CDK14: variants seen among roughly 807,000 people sequenced by gnomAD.
CDK14 encodes cyclin-dependent kinase 14.
Under a neutral mutation model 60.7 loss-of-function variants are expected in CDK14, and 34 were observed. That is an observed-to-expected ratio of 0.56 (90% CI 0.43 to 0.75). The LOEUF (loss-of-function observed/expected upper bound fraction) is 0.75, where lower values mean the gene tolerates loss of function less well. Among genes scored for constraint, CDK14 ranks in the 30% least tolerant of loss-of-function variants. CDK14 has a pLI of 0.00. For synonymous variants in CDK14, 197 were observed against 203.7 expected (o/e 0.97, Z 0.28); for missense variants, 482 against 564.1 (o/e 0.85, Z 1.47).
intron 6 of CDK14, among the ~76,000 whole-genome samples, chr7:90,883,405 T>C (rs1426046545): frequency 7.2e-5 from 11 of 152,040 alleles, no homozygotes; most frequent in Admixed American, 7.2e-4. Flanking sequence ...CAGGAAGAAG[T>C]CTAATCCCTG....
chr7:90,829,137 A>G (rs927273660), intron 5 of CDK14, among the ~76,000 whole-genome samples: 1 of 152,142 alleles, frequency 6.6e-6, no homozygotes, highest in Non-Finnish European at 1.5e-5. Context: ...CATGAGGGAA[A>G]CTACCCCCAT....
intron 10 of CDK14, among the ~76,000 whole-genome samples, chr7:91,009,905 T>C (rs1302751152): frequency 6.6e-6 from 1 of 152,126 alleles, no homozygotes; most frequent in Non-Finnish European, 1.5e-5. Context: ...GGTTTTATAG[T>C]TTTAGGTTTT....
chr7:91,195,987 T>G (rs1802526639), intron 14 of CDK14, among the ~76,000 whole-genome samples: 1 of 152,234 alleles, frequency 6.6e-6, no homozygotes, highest in South Asian at 2.1e-4. Flanking sequence ...AGTCCTTGCC[T>G]GTGCAAGAAT....
intron 5 of CDK14, among the ~76,000 whole-genome samples, chr7:90,812,451 A>G (rs1414246984): frequency 6.6e-6 from 1 of 151,796 alleles, no homozygotes; most frequent in Non-Finnish European, 1.5e-5. Context: ...GGCATATCAC[A>G]CACTGGGGCC....
At chr7:91,139,785 CCTTTCTTTCTTT>C (rs71292993) in intron 14 of CDK14, among the ~76,000 whole-genome samples, 9,571 of 146,334 alleles carry the variant, frequency 0.065, 1,004 homozygotes, top group African/African-American at 0.22. Flanking sequence ...TTTTTTCTTT[CCTTTCTTTCTTT>C]CTTTCTTTCT....
intron 10 of CDK14, among the ~76,000 whole-genome samples, chr7:90,992,760 AGGAACATTCTCC>A (rs1795576604): frequency 1.3e-5 from 2 of 152,210 alleles, no homozygotes; most frequent in Admixed American, 1.3e-4. Context: ...TGTTAAATTA[AGGAACATTCTCC>A]CATGTATTGA....
intron 14 of CDK14, among the ~76,000 whole-genome samples, chr7:91,137,691 GGGGT>G (rs764709591): frequency 1.6e-5 from 1 of 61,956 alleles, no homozygotes; most frequent in Non-Finnish European, 4.6e-5. Flanking sequence ...AGACTTGTGG[GGGGT>G]GTGTGTGTGT....
chr7:90,596,824 G>T, intron 1 of CDK14, 106 bp downstream of exon 1: 1 of 951,564 alleles, frequency 1.1e-6, no homozygotes, highest in Non-Finnish European at 1.6e-6. Flanking sequence ...GGCTGGCGTG[G>T]GGTGCGTTGT....
intron 4 of CDK14, among the ~76,000 whole-genome samples, chr7:90,786,216 G>T (rs1171319453): frequency 6.6e-6 from 1 of 152,152 alleles, no homozygotes; most frequent in Non-Finnish European, 1.5e-5. Context: ...GGCAAATTTG[G>T]CAGTAACTGC....
At chr7:90,800,325 C>A (rs774496274) in intron 5 of CDK14, among the ~76,000 whole-genome samples, 1 of 152,082 alleles carries the variant, frequency 6.6e-6, no homozygotes, top group South Asian at 2.1e-4. Flanking sequence ...AATTAGTTAA[C>A]CTGCTTGTAA....
intron 10 of CDK14, among the ~76,000 whole-genome samples, chr7:91,035,876 G>A (rs1458384556): frequency 4.2e-5 from 5 of 120,182 alleles, no homozygotes; most frequent in African/African-American, 1.6e-4. Flanking sequence ...TCGCTCTGTC[G>A]CCCAGGCCGG....
At chr7:90,680,999 A>T (rs1265700923) in intron 2 of CDK14, among the ~76,000 whole-genome samples, 2 of 152,232 alleles carry the variant, frequency 1.3e-5, no homozygotes, top group Admixed American at 6.5e-5. Context: ...AAAGAGACAG[A>T]TAGTACATTG....
intron 2 of CDK14, among the ~76,000 whole-genome samples, chr7:90,637,436 T>G (rs1800180591): frequency 6.6e-6 from 1 of 152,098 alleles, no homozygotes; most frequent in Non-Finnish European, 1.5e-5. Flanking sequence ...TCCATGTAGT[T>G]GAGCGGTTTT....
At chr7:91,122,595 A>G (rs1046060123) in intron 14 of CDK14, among the ~76,000 whole-genome samples, 1 of 152,142 alleles carries the variant, frequency 6.6e-6, no homozygotes, top group Non-Finnish European at 1.5e-5. Context: ...ATGCTGTGAC[A>G]TTATGGCGGC....
chr7:90,802,113 C>A (rs1230684454), intron 5 of CDK14, among the ~76,000 whole-genome samples: 2 of 152,110 alleles, frequency 1.3e-5, no homozygotes, highest in East Asian at 3.9e-4. Flanking sequence ...CATTTGTTTC[C>A]ATTTGTGTTT....
chr7:90,747,758 A>T lies in CDK14; in HGVS notation c.447A>T (p.Val149=). The change falls in exon 4 of 15, where the codon GTA becomes GTT. Residue 149 remains valine, a synonymous_variant. Coordinates refer to ENST00000380050, the MANE Select transcript of CDK14 (RefSeq NM_001287135.2). The part of the protein sequence containing the change: ...EKLGEGSYAT[V]YKGKSKVNGK... Reference sequence around the variant, plus strand: ...TAGGGGAAGGATCTTATGCTACAGTATACAAAGGGAAAAGCAAGTAAGTTC... The same window carrying T: ...TAGGGGAAGGATCTTATGCTACAGTTTACAAAGGGAAAAGCAAGTAAGTTC... The T allele has an allele frequency of 1.9e-6, 3 of 1,572,816 alleles. No individual in the cohort carries two copies. Among genetic ancestry groups the T allele is most frequent in the Non-Finnish European group, 2.6e-6 (3 of 1,164,796 alleles).
intron 2 of CDK14, among the ~76,000 whole-genome samples, chr7:90,685,498 G>T (rs1801412860): frequency 6.6e-6 from 1 of 151,914 alleles, no homozygotes; most frequent in East Asian, 1.9e-4. Context: ...TTTCTTTAGA[G>T]ATAGAGTCTT....
chr7:91,112,472 G>A, intron 12 of CDK14, 70 bp from the exon 13 acceptor site: 2 of 1,490,072 alleles, frequency 1.3e-6, no homozygotes, highest in Non-Finnish European at 1.8e-6. Flanking sequence ...GAAAAATTAG[G>A]TAAGCTTTAT....
chr7:90,733,544 T>C (rs1340819653), intron 3 of CDK14, among the ~76,000 whole-genome samples: 1 of 152,260 alleles, frequency 6.6e-6, no homozygotes, highest in Non-Finnish European at 1.5e-5. Flanking sequence ...TACCTCTTCT[T>C]GTTGCATTGA....
Sources: gnomAD v4.1 joint callset for allele counts (sites outside exome capture counted in the v4.1 genomes callset) on GRCh38, gnomAD v4.1.1 for gene constraint, MANE v1.5 for transcripts, NCBI Gene and HGNC (gene_info 2026-07-23, HGNC 2026-07-21) for gene names.